The following UBE4B variants were observed in gnomAD, a reference collection of about 807,000 sequenced individuals.
UBE4B encodes the protein ubiquitin conjugation factor E4 B.
Under a neutral mutation model 148.1 loss-of-function variants are expected in UBE4B, and 27 were observed. The observed-to-expected ratio is 0.18, with a 90% confidence interval of 0.13 to 0.25. The LOEUF (loss-of-function observed/expected upper bound fraction) is 0.25. UBE4B is among the 10% of genes least tolerant of loss of function. The pLI, the probability that UBE4B is intolerant of heterozygous loss-of-function variation, is 1.00. For missense variants in UBE4B, 1,170 were observed against 1,662.4 expected (o/e 0.70, Z 5.15); for synonymous variants, 596 against 619.3 (o/e 0.96, Z 0.56).
intron 1 of UBE4B, among the ~76,000 whole-genome samples, chr1:10,040,151 G>A (rs1163817737): frequency 2.6e-5 from 4 of 151,558 alleles, no homozygotes; most frequent in African/African-American, 7.3e-5. Flanking sequence ...TTGAGACAGG[G>A]TCTCCCTCTG....
At chr1:10,101,384 TTGATC>T (rs1645007416) in intron 4 of UBE4B, among the ~76,000 whole-genome samples, 189 bp downstream of exon 4, 1 of 152,148 alleles carries the variant, frequency 6.6e-6, no homozygotes, top group South Asian at 2.1e-4. Context: ...ACTCAGTCCT[TTGATC>T]TGATAATATC....
chr1:10,033,896 C>G (rs1284383317), intron 1 of UBE4B, among the ~76,000 whole-genome samples: 1 of 152,184 alleles, frequency 6.6e-6, no homozygotes, highest in African/African-American at 2.4e-5. Flanking sequence ...TCATTCTGAA[C>G]TCCATTTGCT....
rs778096873 is a variant in UBE4B, at chr1:10,135,193, A to G, written c.2224+7A>G. 6.2e-7 allele frequency: 1 copy of G among 1,611,258 alleles called. No homozygotes were observed. The highest frequency in any genetic ancestry group is 1.3e-5 in the African/African-American group (1 of 74,894). ...GACTGGCTGACTGAACTCTGTGAGTACTGTGTTCGTGACTCGGTCATTAAA... is the reference window on the plus strand; with the variant it reads ...GACTGGCTGACTGAACTCTGTGAGTGCTGTGTTCGTGACTCGGTCATTAAA... On this transcript the variant is annotated splice_region_variant and intron_variant, in intron 16 of 27. Transcript: ENST00000343090.
chr1:10,092,387 G>A (rs1361521389), intron 2 of UBE4B, among the ~76,000 whole-genome samples: 1 of 151,978 alleles, frequency 6.6e-6, no homozygotes, highest in Non-Finnish European at 1.5e-5. Context: ...GCCACGCCCA[G>A]CTAATGTTTG....
In UBE4B at chr1:10,036,820, A is replaced by G. The variant is rs572515003; in HGVS notation, c.24+3126A>G. Reference sequence around the variant, plus strand: ...CTTATATTATTGAAACTTCAAGCTTATATTTCAGGGTTAAAACAGGCAAGG... The same window carrying G: ...CTTATATTATTGAAACTTCAAGCTTGTATTTCAGGGTTAAAACAGGCAAGG... On this transcript the variant is annotated intron_variant, in intron 1 of 27. Transcript: ENST00000343090. Among the ~76,000 whole-genome samples, 11 of 152,282 alleles carry G rather than the reference A, an allele frequency of 7.2e-5. 1 individual carries two copies. In the South Asian group the frequency reaches 1.9e-3, roughly 26 times the overall value.
chr1:10,046,845 G>A (rs939279891), intron 1 of UBE4B, among the ~76,000 whole-genome samples: 4 of 152,156 alleles, frequency 2.6e-5, no homozygotes, highest in African/African-American at 9.7e-5. Context: ...AACTTTGATT[G>A]TAGACCGCGG....
chr1:10,117,641 T>C, intron 8 of UBE4B, 41 bp downstream of exon 8: 1 of 1,529,558 alleles, frequency 6.5e-7, no homozygotes, highest in Non-Finnish European at 8.8e-7. Context: ...AAAAGCCTAG[T>C]TATTTGTTTG....
intron 3 of UBE4B, among the ~76,000 whole-genome samples, chr1:10,097,654 AC>A (rs1426997297): frequency 6.6e-6 from 1 of 152,060 alleles, no homozygotes; most frequent in East Asian, 1.9e-4. Context: ...TACTAAAAAT[AC>A]AAAAATTAGC....
chr1:10,116,148 T>C (rs1645304843), intron 7 of UBE4B, among the ~76,000 whole-genome samples: 2 of 152,160 alleles, frequency 1.3e-5, no homozygotes, highest in Admixed American at 1.3e-4. Flanking sequence ...CCATACTTTT[T>C]TTCTTTTATT....
At chr1:10,120,619 C>T (rs1645394631) in intron 9 of UBE4B, among the ~76,000 whole-genome samples, 1 of 152,070 alleles carries the variant, frequency 6.6e-6, no homozygotes, top group African/African-American at 2.4e-5. Flanking sequence ...GATGGATTGC[C>T]TGAGCTCAGG....
chr1:10,164,032 A>G (rs1646209097), intron 23 of UBE4B, among the ~76,000 whole-genome samples: 1 of 151,266 alleles, frequency 6.6e-6, no homozygotes, highest in African/African-American at 2.4e-5. Context: ...CAGCCTTATT[A>G]TTATTTTTTA....
At chr1:10,169,451 A>G (rs1646305663) in intron 24 of UBE4B, among the ~76,000 whole-genome samples, 1 of 152,090 alleles carries the variant, frequency 6.6e-6, no homozygotes, top group Non-Finnish European at 1.5e-5. Flanking sequence ...TTTCCACCTC[A>G]TGTCTCTTCA....
chr1:10,158,628 G>A (rs1171032235), intron 22 of UBE4B, 146 bp downstream of exon 22: 2 of 1,084,200 alleles, frequency 1.8e-6, no homozygotes, highest in South Asian at 1.7e-5. Context: ...GCCACTAAAT[G>A]TGGGCAGGAT....
chr1:10,077,834 G>A (rs1197854603), intron 2 of UBE4B, among the ~76,000 whole-genome samples: 1 of 152,148 alleles, frequency 6.6e-6, no homozygotes, highest in Non-Finnish European at 1.5e-5. Flanking sequence ...CATAACTAGT[G>A]CCTATGGAAC....
intron 18 of UBE4B, among the ~76,000 whole-genome samples, chr1:10,146,690 A>T (rs1453017779): frequency 6.6e-6 from 1 of 151,740 alleles, no homozygotes; most frequent in Non-Finnish European, 1.5e-5. Flanking sequence ...TCTCCTCATC[A>T]GGTTATTTAC....
intron 5 of UBE4B, among the ~76,000 whole-genome samples, chr1:10,103,817 A>G (rs867588953): frequency 6.6e-6 from 1 of 151,886 alleles, no homozygotes; most frequent in Non-Finnish European, 1.5e-5. Flanking sequence ...TAGTAGAGAC[A>G]GGGTTTCACC....
intron 1 of UBE4B, among the ~76,000 whole-genome samples, chr1:10,048,957 C>G (rs1643971522): frequency 6.6e-6 from 1 of 152,182 alleles, no homozygotes; most frequent in South Asian, 2.1e-4. Flanking sequence ...ATTCAACACT[C>G]TGTTTCTCTC....
chr1:10,155,837 A>G lies in UBE4B; in HGVS notation c.2927-2519A>G, dbSNP rs546942144. 2.1e-4 allele frequency among the ~76,000 whole-genome samples: 32 copies of G among 152,326 alleles called. No individual in the cohort carries two copies. The South Asian group carries it at 6.4e-3, about 31-fold the overall frequency. On this transcript the variant is annotated intron_variant, in intron 21 of 27. Transcript: ENST00000343090. ...CAGGAGTTTGAGACCAGCCTGGCCAACATGGCGAAACCCTGTCTCTACTAA... is the reference window on the plus strand; with the variant it reads ...CAGGAGTTTGAGACCAGCCTGGCCAGCATGGCGAAACCCTGTCTCTACTAA...
intron 10 of UBE4B, among the ~76,000 whole-genome samples, chr1:10,126,554 A>T (rs567055942): frequency 2.6e-4 from 40 of 152,296 alleles, no homozygotes; most frequent in African/African-American, 9.6e-4. Flanking sequence ...GTCCTGTCAG[A>T]GTATTAGAGT....
Sources: allele counts gnomAD v4.1 joint callset (sites outside exome capture counted in the v4.1 genomes callset), GRCh38; gene constraint gnomAD v4.1.1; transcripts MANE v1.5; gene names NCBI Gene and HGNC (gene_info 2026-07-23, HGNC 2026-07-21).